DGKD: variants seen among roughly 807,000 people sequenced by gnomAD.
The protein encoded by DGKD is DAG kinase delta.
A neutral mutation model predicts 154.4 loss-of-function variants in DGKD; 68 were observed. The observed-to-expected ratio is 0.44, with a 90% CI of 0.36 to 0.54. The LOEUF (loss-of-function observed/expected upper bound fraction) is 0.54, where lower values mean the gene tolerates loss of function less well. DGKD is among the 20% of genes least tolerant of loss of function. The pLI is 0.00. For missense variants in DGKD, 1,343 were observed against 1,593.6 expected (o/e 0.84, Z 2.68); for synonymous variants, 693 against 638.0 (o/e 1.09, Z -1.30).
chr2:233,354,870 A>G lies in DGKD; in HGVS notation c.156+196A>G, dbSNP rs1427540402. Among the ~76,000 whole-genome samples the G allele has an allele frequency of 1.4e-5, 2 of 142,452 alleles. No individual in the cohort carries two copies. Among genetic ancestry groups the G allele is most frequent in the Non-Finnish European group, 3.1e-5 (2 of 64,538 alleles). The allele number at this position is 142,452 out of a possible 152,430, so 93.5% of individuals were successfully genotyped here. ...CCCCGGGCGGAGCGCGCGGCCCCCG[A>G]CGGACGGCGGGCGGCTGTGGGGCCG... On this transcript the variant is annotated intron_variant, in intron 1 of 29. Transcript: ENST00000264057. The surrounding 1 kb of genome is among the most constrained non-coding windows in gnomAD (Gnocchi z 4.8).
intron 1 of DGKD, among the ~76,000 whole-genome samples, chr2:233,384,333 T>A (rs1703058839): frequency 6.6e-6 from 1 of 152,164 alleles, no homozygotes; most frequent in South Asian, 2.1e-4. Context: ...CTGCCCACTT[T>A]CTTCTTGTTC....
intron 3 of DGKD, among the ~76,000 whole-genome samples, chr2:233,400,492 G>C (rs749913008): frequency 6.6e-6 from 1 of 152,246 alleles, no homozygotes; most frequent in Admixed American, 6.5e-5. Context: ...CTGGCCACCT[G>C]CTGGCATGGC....
At position 233,440,861 on chromosome 2, in the gene DGKD, C is replaced by T. The variant is rs1016431121; in HGVS notation, c.1086-1026C>T. ...TGACTGAGGCTCCTGTGGGACTCTGCGAGAGCACGGTGGTGACCTGAGCGG... is the reference window on the plus strand; with the variant it reads ...TGACTGAGGCTCCTGTGGGACTCTGTGAGAGCACGGTGGTGACCTGAGCGG... On this transcript the variant is annotated intron_variant, in intron 9 of 29. Transcript: ENST00000264057. This position sits in a 1 kb window ranked among gnomAD's most constrained non-coding sequence, Gnocchi z 4.9. Among the ~76,000 whole-genome samples, 8 of 152,102 alleles carry T rather than the reference C, an allele frequency of 5.3e-5. No individual in the cohort carries two copies. The highest frequency in any genetic ancestry group is 9.7e-5 in the African/African-American group (4 of 41,410).
chr2:233,464,044 A>T, intron 26 of DGKD, 120 bp from the exon 27 acceptor site: 1 of 1,395,372 alleles, frequency 7.2e-7, no homozygotes, highest in South Asian at 1.4e-5. Flanking sequence ...TCGTTTCTGG[A>T]AAGTGAGCTC....
chr2:233,395,156 C>CTTGT (rs10534580), intron 3 of DGKD, among the ~76,000 whole-genome samples: 15 of 151,542 alleles, frequency 9.9e-5, no homozygotes, highest in Admixed American at 5.3e-4. Flanking sequence ...ATTGTGCTTT[C>CTTGT]TTGTTTGTTT....
rs1333678784 is a variant in DGKD at position 233,452,849 on chromosome 2, T to G, written c.2264+789T>G. Among the ~76,000 whole-genome samples the G allele has an allele frequency of 6.6e-6, 1 of 152,206 alleles. No homozygotes were observed. Among genetic ancestry groups the G allele is most frequent in the Non-Finnish European group, 1.5e-5 (1 of 68,030 alleles). On this transcript the variant is annotated intron_variant, in intron 18 of 29. Coordinates refer to ENST00000264057, the MANE Select transcript of DGKD (RefSeq NM_152879.3). The surrounding 1 kb of genome is among the most constrained non-coding windows in gnomAD (Gnocchi z 4.0). Reference sequence around the variant, plus strand: ...TTGGTTAAATGTGGCCAGCCATTTTTCTGGAGTGGTGACGGACAGTGACAG... The same window carrying G: ...TTGGTTAAATGTGGCCAGCCATTTTGCTGGAGTGGTGACGGACAGTGACAG...
chr2:233,425,936 G>A (rs972877838), intron 3 of DGKD, among the ~76,000 whole-genome samples: 1 of 152,210 alleles, frequency 6.6e-6, no homozygotes, highest in Non-Finnish European at 1.5e-5. Flanking sequence ...TTGAGACACA[G>A]GTGTATATTT....
At chr2:233,420,656 C>G (rs942989508) in intron 3 of DGKD, among the ~76,000 whole-genome samples, 1 of 152,226 alleles carries the variant, frequency 6.6e-6, no homozygotes, top group Non-Finnish European at 1.5e-5. Context: ...ATCCCTGTGG[C>G]TACATCTAGC....
chr2:233,379,865 G>A (rs1372146902), intron 1 of DGKD: 1 of 152,132 alleles, frequency 6.6e-6, no homozygotes, highest in Non-Finnish European at 1.5e-5. Flanking sequence ...CAGTGAAGTA[G>A]TGAGAATGGG....
At chr2:233,374,939 G>C (rs1184425204) in intron 1 of DGKD, among the ~76,000 whole-genome samples, 3 of 152,208 alleles carry the variant, frequency 2.0e-5, no homozygotes, top group African/African-American at 7.2e-5. Flanking sequence ...AAAGTGCTGA[G>C]ATTACAGGTG....
intron 3 of DGKD, among the ~76,000 whole-genome samples, chr2:233,400,865 T>A (rs1002251583): frequency 6.6e-6 from 1 of 152,172 alleles, no homozygotes; most frequent in Non-Finnish European, 1.5e-5. Flanking sequence ...GGCCTCCTGA[T>A]GCTACATGTT....
intron 3 of DGKD, among the ~76,000 whole-genome samples, chr2:233,432,427 AG>A (rs2062556351): frequency 6.6e-6 from 1 of 151,026 alleles, no homozygotes; most frequent in South Asian, 2.1e-4. Flanking sequence ...TGGAAGGCCA[AG>A]GTGGGCAGAT....
intron 3 of DGKD, among the ~76,000 whole-genome samples, chr2:233,425,353 A>AT (rs918862648): frequency 4.0e-5 from 6 of 151,792 alleles, no homozygotes; most frequent in Non-Finnish European, 7.4e-5. Context: ...CGCCTGGCTA[A>AT]TTTTTTTGTA....
At chr2:233,355,698 A>G (rs1452440165) in intron 1 of DGKD, among the ~76,000 whole-genome samples, 3 of 152,248 alleles carry the variant, frequency 2.0e-5, no homozygotes, top group African/African-American at 7.2e-5. Context: ...GCAAATAGGT[A>G]CCGAACACCT....
intron 3 of DGKD, among the ~76,000 whole-genome samples, chr2:233,423,282 A>G (rs919655476): frequency 3.9e-5 from 6 of 152,130 alleles, no homozygotes; most frequent in African/African-American, 1.2e-4. Flanking sequence ...GAAGAGTGTA[A>G]TTGCTGGGTC....
intron 1 of DGKD, chr2:233,386,263 C>G (rs1280478621): frequency 3.3e-6 from 1 of 304,246 alleles, no homozygotes; most frequent in African/African-American, 2.2e-5. Flanking sequence ...ACAGTGAGGC[C>G]TTTGAGGTCA....
chr2:233,355,101 G>T (rs1397732386), intron 1 of DGKD, among the ~76,000 whole-genome samples: 1 of 152,100 alleles, frequency 6.6e-6, no homozygotes, highest in Non-Finnish European at 1.5e-5. Context: ...CGTTTCTCAG[G>T]AGCGGTCGGG....
chr2:233,428,621 C>T (rs866693216), intron 3 of DGKD, among the ~76,000 whole-genome samples: 8 of 152,152 alleles, frequency 5.3e-5, no homozygotes, highest in Admixed American at 6.5e-5. Context: ...AGGCACAGGG[C>T]GGAGAAGCAC....
intron 1 of DGKD, among the ~76,000 whole-genome samples, chr2:233,355,945 G>A (rs1701515337): frequency 6.6e-6 from 1 of 152,192 alleles, no homozygotes. Context: ...GGGTGTCACA[G>A]GTCGTAAATG....
Sources: gnomAD v4.1 joint callset for allele counts (sites outside exome capture counted in the v4.1 genomes callset) on GRCh38, gnomAD v4.1.1 for gene constraint, Gnocchi (gnomAD v3.1) non-coding constraint, MANE v1.5 for transcripts, NCBI Gene and HGNC (gene_info 2026-07-23, HGNC 2026-07-21) for gene names.